Variants in PCBP3 observed in about 807,000 individuals in gnomAD.
PCBP3 encodes poly(rC) binding protein 3.
Under a neutral mutation model 52.7 loss-of-function variants are expected in PCBP3, and 25 were observed. That is an observed-to-expected ratio of 0.47 (90% CI 0.35 to 0.66). PCBP3 has a LOEUF of 0.66. PCBP3 is among the 30% of genes least tolerant of loss of function. The probability of loss-of-function intolerance (pLI) is 0.01; values close to 1 mark genes in which losing one functional copy is unlikely to be tolerated. For synonymous variants in PCBP3, 162 were observed against 183.0 expected (o/e 0.89, Z 0.93); for missense variants, 391 against 490.3 (o/e 0.80, Z 1.91).
In PCBP3 at chr21:45,853,783, T is replaced by C. The variant is rs2094146340; in HGVS notation, c.10+3688T>C. Among the ~76,000 whole-genome samples the C allele has an allele frequency of 1.3e-5, 2 of 152,200 alleles. No homozygotes were observed. The highest frequency in any genetic ancestry group is 6.5e-5 in the Admixed American group (1 of 15,278). ...TAGGAAATTAAATACACACATACTT[T>C]GCAAGAGCATATGTGAGTAAGAGTC... is the stretch of plus-strand genomic sequence containing the variant. On this transcript the variant is annotated intron_variant, in intron 5 of 17. Transcript: ENST00000681687. The surrounding 1 kb of genome is among the most constrained non-coding windows in gnomAD (Gnocchi z 4.6).
chr21:45,853,316 G>A lies in PCBP3; in HGVS notation c.10+3221G>A, dbSNP rs553743726. 2.0e-5 allele frequency among the ~76,000 whole-genome samples: 3 copies of A among 152,358 alleles called. No individual in the cohort carries two copies. In the South Asian group the frequency reaches 6.2e-4, roughly 32 times the overall value. ...CTGTGGCAGAAGCCAGATGCCGTGGGTTGGGTGTGCCAATGGCCCTTAAAG... is the reference window on the plus strand; with the variant it reads ...CTGTGGCAGAAGCCAGATGCCGTGGATTGGGTGTGCCAATGGCCCTTAAAG... On this transcript the variant is annotated intron_variant, in intron 5 of 17. Coordinates refer to ENST00000681687, the MANE Select transcript of PCBP3 (RefSeq NM_001384156.1). This position sits in a 1 kb window ranked among gnomAD's most constrained non-coding sequence, Gnocchi z 4.6.
At chr21:45,858,146 A>C (rs908717349) in intron 5 of PCBP3, among the ~76,000 whole-genome samples, 1 of 152,242 alleles carries the variant, frequency 6.6e-6, no homozygotes, top group Non-Finnish European at 1.5e-5. Flanking sequence ...TAATCCGCTC[A>C]GAGGTTTATT....
At chr21:45,755,104 G>C (rs1013834655) in intron 3 of PCBP3, among the ~76,000 whole-genome samples, 1 of 152,136 alleles carries the variant, frequency 6.6e-6, no homozygotes, top group African/African-American at 2.4e-5. Context: ...ATTTTCACCA[G>C]CTCAAAGTTC....
At chr21:45,734,223 C>T (rs909343834) in intron 2 of PCBP3, among the ~76,000 whole-genome samples, 1 of 152,180 alleles carries the variant, frequency 6.6e-6, no homozygotes, top group African/African-American at 2.4e-5. Context: ...CTGCAAGGCT[C>T]CTGCAGCCTA....
At chr21:45,717,376 T>G (rs2084296775) in intron 2 of PCBP3, among the ~76,000 whole-genome samples, 1 of 152,164 alleles carries the variant, frequency 6.6e-6, no homozygotes, top group African/African-American at 2.4e-5. Context: ...CAGCGTTGAT[T>G]GTACTGGCAA....
chr21:45,718,473 C>T lies in PCBP3; in HGVS notation c.-199-16919C>T, dbSNP rs1028718681. Among the ~76,000 whole-genome samples, 9 of 152,024 alleles carry T rather than the reference C, an allele frequency of 5.9e-5. No homozygotes were observed. The East Asian group carries it at 1.5e-3, about 26-fold the overall frequency. On this transcript the variant is annotated intron_variant, in intron 2 of 17. Transcript: ENST00000681687. ...TTTTAAAGGTAGGTGTTTACAGCTT[C>T]GAAAGACTCCTGTCCTGTTCTGCCG...
intron 4 of PCBP3, among the ~76,000 whole-genome samples, chr21:45,784,145 C>G (rs1004125991): frequency 6.6e-6 from 1 of 152,088 alleles, no homozygotes; most frequent in East Asian, 1.9e-4. Context: ...TGGCTAACAC[C>G]TCTGAAATAA....
At chr21:45,937,156 C>T (rs1235028659) in intron 16 of PCBP3, among the ~76,000 whole-genome samples, 4 of 152,242 alleles carry the variant, frequency 2.6e-5, no homozygotes, top group East Asian at 1.9e-4. Flanking sequence ...ATCTCGTCCA[C>T]GTCCGTCTCT....
At chr21:45,690,687 A>G (rs1218832400) in intron 2 of PCBP3, among the ~76,000 whole-genome samples, 1 of 152,194 alleles carries the variant, frequency 6.6e-6, no homozygotes, top group African/African-American at 2.4e-5. Context: ...AAGACATACA[A>G]ATGGCTAATA....
At chr21:45,840,635 C>T (rs1378115918) in intron 4 of PCBP3, among the ~76,000 whole-genome samples, 1 of 152,150 alleles carries the variant, frequency 6.6e-6, no homozygotes, top group Admixed American at 6.5e-5. Context: ...GAGCAACTTC[C>T]AGTCCTGTGA....
At chr21:45,660,408 AT>A (rs1197741882) in intron 1 of PCBP3, among the ~76,000 whole-genome samples, 1 of 152,120 alleles carries the variant, frequency 6.6e-6, no homozygotes, top group Non-Finnish European at 1.5e-5. Context: ...TAAAAAATCC[AT>A]TTAGACAATT....
Position 45,880,323 on chromosome 21 carries a change from A to G in PCBP3, c.11-15885A>G, listed in dbSNP as rs2148770724. ...CCTGGGGCGCCGCGGTCCTGACCCCACACAACTTCTTCTGCCATGGCCCAA... is the reference window on the plus strand; with the variant it reads ...CCTGGGGCGCCGCGGTCCTGACCCCGCACAACTTCTTCTGCCATGGCCCAA... On this transcript the variant is annotated intron_variant, in intron 5 of 17. Coordinates refer to ENST00000681687, the MANE Select transcript of PCBP3 (RefSeq NM_001384156.1). The surrounding 1 kb of genome is among the most constrained non-coding windows in gnomAD (Gnocchi z 5.4). Among the ~76,000 whole-genome samples the G allele has an allele frequency of 6.6e-6, 1 of 152,136 alleles. No individual in the cohort carries two copies.
chr21:45,769,710 C>A (rs2089694748), intron 4 of PCBP3, among the ~76,000 whole-genome samples: 1 of 152,236 alleles, frequency 6.6e-6, no homozygotes, highest in African/African-American at 2.4e-5. Context: ...TTCTGCCTTG[C>A]CAGGTCTTCA....
At chr21:45,760,562 G>A (rs2088535037) in intron 4 of PCBP3, 1 of 152,228 alleles carries the variant, frequency 6.6e-6, no homozygotes. Context: ...AGAGTTTTAA[G>A]GTCCTGGGAT....
intron 5 of PCBP3, among the ~76,000 whole-genome samples, chr21:45,879,276 C>T (rs1040720689): frequency 3.3e-5 from 5 of 152,168 alleles, no homozygotes; most frequent in African/African-American, 9.7e-5. Flanking sequence ...TTAGCCACTG[C>T]GCCTGGCCAA....
At position 45,757,890 on chromosome 21, in the gene PCBP3, C is replaced by CT. The variant is rs35441018; in HGVS notation, c.-126+2452dup. Among the ~76,000 whole-genome samples, 663 of 143,804 alleles carry CT rather than the reference C, an allele frequency of 4.6e-3. 4 individuals carry two copies. The highest frequency in any genetic ancestry group is 7.2e-3 in the Non-Finnish European group (470 of 65,514). 94.3% of individuals were successfully genotyped at this position (143,804 alleles called of 152,430 possible). On this transcript the variant is annotated intron_variant, in intron 4 of 17. Coordinates refer to ENST00000681687, the MANE Select transcript of PCBP3 (RefSeq NM_001384156.1). Reference sequence around the variant, plus strand: ...TCTAACCCATTGGTCTATATATATTCTTTTTTTTTTTTTTGAGACAGAGTC... The same window carrying CT: ...TCTAACCCATTGGTCTATATATATTCTTTTTTTTTTTTTTTGAGACAGAGTC...
At chr21:45,869,328 T>G (rs1355550482) in intron 5 of PCBP3, 1 of 152,278 alleles carries the variant, frequency 6.6e-6, no homozygotes, top group Admixed American at 6.5e-5. Flanking sequence ...CTTGAAGGTA[T>G]GAAGGTTGTG....
At chr21:45,758,654 C>T (rs1029128893) in intron 4 of PCBP3, among the ~76,000 whole-genome samples, 2 of 151,914 alleles carry the variant, frequency 1.3e-5, no homozygotes, top group African/African-American at 2.4e-5. Context: ...ATATTGATCT[C>T]GTATCTTGCA....
intron 5 of PCBP3, chr21:45,893,641 C>T: frequency 1.2e-5 from 6 of 503,668 alleles, no homozygotes; most frequent in Non-Finnish European, 1.1e-5. Flanking sequence ...GGGACCCAGG[C>T]CCTCACGGAT....
Sources: gnomAD v4.1 joint callset for allele counts (sites outside exome capture counted in the v4.1 genomes callset) on GRCh38, gnomAD v4.1.1 for gene constraint, Gnocchi (gnomAD v3.1) non-coding constraint, MANE v1.5 for transcripts, NCBI Gene and HGNC (gene_info 2026-07-23, HGNC 2026-07-21) for gene names.